Variants in UFD1 observed in about 807,000 individuals in gnomAD.
UFD1 encodes the protein ubiquitin recognition factor in ER-associated degradation protein 1.
In UFD1, 13 loss-of-function variants were observed where a neutral mutation model predicts 45.9. The ratio of observed to expected loss-of-function variants is 0.28; its 90% CI spans 0.18 to 0.45. The LOEUF is 0.45. Among genes scored for constraint, UFD1 ranks in the 20% least tolerant of loss-of-function variants. The probability of loss-of-function intolerance (pLI) is 1.00; values close to 1 mark genes in which losing one functional copy is unlikely to be tolerated. For missense variants in UFD1, 218 were observed against 389.2 expected, an observed-to-expected ratio of 0.56 and a Z score of 3.70; for synonymous variants, 128 against 139.2, an observed-to-expected ratio of 0.92 and a Z score of 0.56.
At chr22:19,477,755 A>C (rs768926307) in intron 1 of UFD1, among the ~76,000 whole-genome samples, 1 of 152,164 alleles carries the variant, frequency 6.6e-6, no homozygotes, top group Non-Finnish European at 1.5e-5. Flanking sequence ...ATTTAGTAGA[A>C]GGAATGCCAC....
chr22:19,475,201 G>A (rs1010083609), intron 2 of UFD1, 101 bp from the exon 3 acceptor site: 15 of 1,249,956 alleles, frequency 1.2e-5, no homozygotes, highest in Admixed American at 7.7e-5. Context: ...GCCTTAAACT[G>A]TTTTTAGGGT....
At chr22:19,459,508 G>A (rs1601890604) in intron 6 of UFD1, among the ~76,000 whole-genome samples, 1 of 152,064 alleles carries the variant, frequency 6.6e-6, no homozygotes, top group East Asian at 2.0e-4. Flanking sequence ...CCAGCTATTC[G>A]GGAGGCTGAG....
chr22:19,458,208 A>G (rs1307582264), intron 6 of UFD1, 69 bp from the exon 7 acceptor site: 40 of 1,553,810 alleles, frequency 2.6e-5, no homozygotes, highest in Non-Finnish European at 3.2e-5. Context: ...TGTCCATGTT[A>G]CTGTGGCTCT....
chr22:19,475,650 T>C (rs2089876166), intron 1 of UFD1, 48 bp from the exon 2 acceptor site: 2 of 1,610,018 alleles, frequency 1.2e-6, no homozygotes, highest in South Asian at 1.1e-5. Flanking sequence ...GTACATTTCT[T>C]CATGTCAAAA....
intron 7 of UFD1, 89 bp downstream of exon 7, chr22:19,457,982 A>G (rs1287597516): frequency 7.2e-7 from 1 of 1,387,018 alleles, no homozygotes; most frequent in Admixed American, 1.7e-5. Flanking sequence ...GGGCTGTTTG[A>G]TGCCCTCCTG....
chr22:19,456,273 G>A (rs904699257), intron 9 of UFD1, among the ~76,000 whole-genome samples: 14 of 152,230 alleles, frequency 9.2e-5, no homozygotes, highest in Non-Finnish European at 1.2e-4. Context: ...TTACAAGAGA[G>A]AGAAAGCAAA....
chr22:19,461,387 G>A (rs2089765281), intron 6 of UFD1, among the ~76,000 whole-genome samples: 1 of 152,182 alleles, frequency 6.6e-6, no homozygotes, highest in South Asian at 2.1e-4. Flanking sequence ...TGCCTCAGTG[G>A]TGGACCAAGA....
chr22:19,463,572 G>A (rs960429103), intron 6 of UFD1, among the ~76,000 whole-genome samples: 6 of 152,206 alleles, frequency 3.9e-5, no homozygotes, highest in African/African-American at 1.4e-4. Flanking sequence ...TAACTAAACT[G>A]GAGTGCTTTT....
chr22:19,462,692 A>T (rs538269758), intron 6 of UFD1, among the ~76,000 whole-genome samples: 1 of 152,258 alleles, frequency 6.6e-6, no homozygotes, highest in African/African-American at 2.4e-5. Context: ...AGTAAGTCTA[A>T]AGACTTACTC....
At chr22:19,454,234 G>GA (rs897928556) in intron 11 of UFD1, 6 of 994,006 alleles carry the variant, frequency 6.0e-6, no homozygotes, top group East Asian at 1.1e-4. Context: ...CAGCTCTACA[G>GA]AAAAAAACAG....
intron 11 of UFD1, chr22:19,453,175 CAG>C: frequency 2.0e-6 from 2 of 985,394 alleles, no homozygotes; most frequent in Non-Finnish European, 2.4e-6. Context: ...TGCTTAGTAA[CAG>C]AATTCTGTCT....
intron 1 of UFD1, 186 bp downstream of exon 1, chr22:19,478,897 C>A: frequency 1.4e-6 from 1 of 714,010 alleles, no homozygotes. Flanking sequence ...CCGGCGGACG[C>A]GACCACAGGC....
At chr22:19,456,550 G>A in intron 9 of UFD1, 37 bp downstream of exon 9, 3 of 1,613,928 alleles carry the variant, frequency 1.9e-6, no homozygotes, top group Non-Finnish European at 2.5e-6. Context: ...AAGGAGCAGA[G>A]GGCACAGCAA....
At chr22:19,453,214 T>C in intron 11 of UFD1, 1 of 983,994 alleles carries the variant, frequency 1.0e-6, no homozygotes, top group Non-Finnish European at 1.2e-6. Flanking sequence ...AGAGGTGCCT[T>C]TTGAGAATTC....
At chr22:19,476,739 G>A (rs992119745) in intron 1 of UFD1, among the ~76,000 whole-genome samples, 1 of 151,922 alleles carries the variant, frequency 6.6e-6, no homozygotes, top group Non-Finnish European at 1.5e-5. Context: ...GGGTGCGGTG[G>A]CTCACGCCTA....
rs750439074 is a variant in UFD1 at position 19,454,654 on chromosome 22, T to C, written c.849+95A>G. 19 of 1,594,978 alleles carry C rather than the reference T, an allele frequency of 1.2e-5. No individual in the cohort carries two copies. The South Asian group carries it at 1.7e-4, about 14-fold the overall frequency. On this transcript the variant is annotated intron_variant, in intron 11 of 11. Coordinates refer to ENST00000263202, the MANE Select transcript of UFD1 (RefSeq NM_005659.7). ...TACCAGCAGCTTGGAAACAGACTAA[T>C]GCACACCCCTACTCAGAATGCCAAG...
At chr22:19,479,018 C>CAA (rs2089922683) in intron 1 of UFD1, 65 bp downstream of exon 1, 1 of 1,535,848 alleles carries the variant, frequency 6.5e-7, no homozygotes, top group East Asian at 2.4e-5. Context: ...CGCCCTGCCC[C>CAA]GCCGGGCCCT....
rs1468475979 is a variant in UFD1 at position 19,455,660 on chromosome 22, G to A, written c.767+20C>T. On this transcript the variant is annotated intron_variant, in intron 10 of 11. Transcript: ENST00000263202. The stretch of plus-strand genomic sequence containing the variant: ...CACAGATCCTCCTCCTGTCCTGGAG[G>A]AGAGCCAGGACAGACCTACCTTTTA... 1 of 1,608,706 alleles carries A rather than the reference G, an allele frequency of 6.2e-7. No homozygotes were observed. The highest frequency in any genetic ancestry group is 8.5e-7 in the Non-Finnish European group (1 of 1,175,860).
At chr22:19,461,038 G>A (rs1246996257) in intron 6 of UFD1, among the ~76,000 whole-genome samples, 2 of 152,176 alleles carry the variant, frequency 1.3e-5, no homozygotes, top group Admixed American at 1.3e-4. Context: ...TGCCAGGTGT[G>A]AACCACGGTG....
Sources: gnomAD v4.1 joint callset for allele counts (sites outside exome capture counted in the v4.1 genomes callset) on GRCh38, gnomAD v4.1.1 for gene constraint, MANE v1.5 for transcripts, NCBI Gene and HGNC (gene_info 2026-07-23, HGNC 2026-07-21) for gene names.